The following KCNU1 variants were observed in gnomAD, a reference collection of about 807,000 sequenced individuals.
KCNU1 encodes the protein potassium channel subfamily U member 1.
A neutral mutation model predicts 126.8 loss-of-function variants in KCNU1; 93 were observed. The observed-to-expected ratio is 0.73, with a 90% CI of 0.62 to 0.87. The LOEUF (loss-of-function observed/expected upper bound fraction) is 0.87, where lower values mean the gene tolerates loss of function less well. Among genes scored for constraint, KCNU1 ranks in the 40% least tolerant of loss-of-function variants. The pLI is 0.00. For missense variants in KCNU1, 1,330 were observed against 1,367.1 expected, an observed-to-expected ratio of 0.97 and a Z score of 0.43; for synonymous variants, 523 against 494.2, an observed-to-expected ratio of 1.06 and a Z score of -0.77.
chr8:36,882,189 G>A (rs553275289), intron 19 of KCNU1, among the ~76,000 whole-genome samples: 2 of 152,170 alleles, frequency 1.3e-5, no homozygotes, highest in Non-Finnish European at 2.9e-5. Context: ...TCTCATTCAT[G>A]TGAGGATGTC....
At chr8:36,898,899 T>A (rs1174351775) in intron 19 of KCNU1, among the ~76,000 whole-genome samples, 3 of 152,082 alleles carry the variant, frequency 2.0e-5, no homozygotes, top group Non-Finnish European at 4.4e-5. Flanking sequence ...GCACAGACTC[T>A]GACTTTTATT....
intron 16 of KCNU1, among the ~76,000 whole-genome samples, chr8:36,842,035 GT>G (rs1680891603): frequency 1.3e-5 from 2 of 152,126 alleles, no homozygotes; most frequent in African/African-American, 4.8e-5. Context: ...AAGACTGTGT[GT>G]TGGCTCATGT....
chr8:36,864,775 C>A (rs1233546553), intron 19 of KCNU1, among the ~76,000 whole-genome samples: 1 of 152,144 alleles, frequency 6.6e-6, no homozygotes, highest in Non-Finnish European at 1.5e-5. Context: ...TTTCACACCA[C>A]CTTTCAGGCA....
chr8:36,924,891 A>C (rs1358042309), intron 24 of KCNU1, among the ~76,000 whole-genome samples: 1 of 152,188 alleles, frequency 6.6e-6, no homozygotes, highest in Non-Finnish European at 1.5e-5. Context: ...TCACACAGGC[A>C]GGAATAGAGC....
intron 19 of KCNU1, among the ~76,000 whole-genome samples, chr8:36,877,818 T>A (rs1806328833): frequency 6.6e-6 from 1 of 152,172 alleles, no homozygotes; most frequent in Non-Finnish European, 1.5e-5. Flanking sequence ...GAGATCAAAA[T>A]CCTTAACAAT....
intron 19 of KCNU1, among the ~76,000 whole-genome samples, chr8:36,870,794 A>G (rs1806073748): frequency 6.6e-6 from 1 of 152,228 alleles, no homozygotes; most frequent in South Asian, 2.1e-4. Context: ...TTTCATTCAT[A>G]TAAGCCTACT....
chr8:36,908,724 A>G (rs1807739403), intron 20 of KCNU1, among the ~76,000 whole-genome samples: 1 of 152,080 alleles, frequency 6.6e-6, no homozygotes, highest in South Asian at 2.1e-4. Flanking sequence ...TCCTTGATGC[A>G]GGAGTCTATA....
In KCNU1 at chr8:36,863,773, T is replaced by C. The variant is rs141686993; in HGVS notation, c.1892-631T>C. On this transcript the variant is annotated intron_variant, in intron 18 of 26. Transcript: ENST00000399881. Reference sequence around the variant, plus strand: ...TATTAAAGTGGCTTCATGGTGCTCATTGAATCTATTAATTTCAGCATTCTT... The same window carrying C: ...TATTAAAGTGGCTTCATGGTGCTCACTGAATCTATTAATTTCAGCATTCTT... 5.3e-5 allele frequency among the ~76,000 whole-genome samples: 8 copies of C among 152,252 alleles called. No homozygotes were observed. The East Asian group carries it at 1.5e-3, about 29-fold the overall frequency.
intron 19 of KCNU1, among the ~76,000 whole-genome samples, chr8:36,894,452 A>G (rs1370873289): frequency 6.6e-6 from 1 of 152,178 alleles, no homozygotes; most frequent in Non-Finnish European, 1.5e-5. Context: ...AGATGAAAAA[A>G]TGTATCCAGA....
intron 19 of KCNU1, among the ~76,000 whole-genome samples, chr8:36,884,785 A>T (rs746400497): frequency 1.1e-4 from 17 of 152,044 alleles, no homozygotes; most frequent in Non-Finnish European, 2.2e-4. Flanking sequence ...GGAAAAAAAA[A>T]AGAAAGAAAA....
rs771799388 is a variant in KCNU1 at position 36,814,347 on chromosome 8, C to T, written c.873C>T (p.Thr291=). ...DVVAKTSLGR[T]FIMFFTLGSL... is the part of the protein sequence containing the mutation. Reference sequence around the variant, plus strand: ...TAGCCAAGACATCCTTAGGACGGACCTTCATCATGTTCTTCACACTGGGGA... The same window carrying T: ...TAGCCAAGACATCCTTAGGACGGACTTTCATCATGTTCTTCACACTGGGGA... The change falls in exon 8 of 27, where the codon ACC becomes ACT. Residue 291 remains threonine (T), a synonymous_variant. Transcript: ENST00000399881. 3 of 1,611,998 alleles carry T rather than the reference C, an allele frequency of 1.9e-6. No homozygotes were observed. The highest frequency in any genetic ancestry group is 1.7e-6 in the Non-Finnish European group (2 of 1,178,862).
chr8:36,901,070 GA>G (rs796730578), intron 19 of KCNU1, among the ~76,000 whole-genome samples: 82 of 148,222 alleles, frequency 5.5e-4, no homozygotes, highest in African/African-American at 1.7e-3. Context: ...GTCTACAAAA[GA>G]AAAAAAAAAG....
intron 2 of KCNU1, among the ~76,000 whole-genome samples, chr8:36,792,853 T>C (rs543356433): frequency 1.3e-5 from 2 of 152,302 alleles, no homozygotes; most frequent in South Asian, 4.1e-4. Flanking sequence ...GTATTGTTAT[T>C]AATATTTGTA....
intron 16 of KCNU1, among the ~76,000 whole-genome samples, chr8:36,845,007 G>C (rs575170101): frequency 9.2e-5 from 14 of 152,040 alleles, no homozygotes; most frequent in Non-Finnish European, 1.9e-4. Context: ...AAATCAAAAG[G>C]TTCAAGTAAG....
intron 19 of KCNU1, among the ~76,000 whole-genome samples, chr8:36,901,298 T>C (rs1217162710): frequency 6.6e-6 from 1 of 152,026 alleles, no homozygotes; most frequent in African/African-American, 2.4e-5. Context: ...TGGTTTGGTC[T>C]CTCTCTCATC....
At chr8:36,912,658 AAAG>A (rs1563332351) in intron 22 of KCNU1, among the ~76,000 whole-genome samples, 1 of 152,166 alleles carries the variant, frequency 6.6e-6, no homozygotes, top group African/African-American at 2.4e-5. Context: ...ATAATTGGAC[AAAG>A]AAGAAGTATT....
At chr8:36,787,162 A>G in intron 1 of KCNU1, 144 bp from the exon 2 acceptor site, 3 of 608,462 alleles carry the variant, frequency 4.9e-6, no homozygotes, top group Non-Finnish European at 2.6e-6. Flanking sequence ...AATATTGAAT[A>G]AGCAACTTCA....
rs892201391 is a variant in KCNU1 at position 36,933,756 on chromosome 8, A to G, written c.3044+724A>G. ...TGGAGTGGTCTTGAATAGAAAAATA[A>G]CAGCAACAATTTTTTTGGCCCACAG... On this transcript the variant is annotated intron_variant, in intron 26 of 26. Coordinates refer to ENST00000399881, the MANE Select transcript of KCNU1 (RefSeq NM_001031836.3). Among the ~76,000 whole-genome samples the G allele has an allele frequency of 7.2e-5, 11 of 152,270 alleles. No individual in the cohort carries two copies. The East Asian group carries it at 1.9e-3, about 27-fold the overall frequency.
Position 36,784,409 on chromosome 8 carries a change from A to G in KCNU1, c.-2A>G, listed in dbSNP as rs1171177237. The G allele has an allele frequency of 3.7e-6, 6 of 1,609,062 alleles. No homozygotes were observed. The East Asian group carries it at 6.7e-5, about 18-fold the overall frequency. On this transcript the variant is annotated 5_prime_UTR_variant, in exon 1 of 27. Transcript: ENST00000399881. ...GCAATTCCGTCTACTGATGTCTCGAACATGTTTCAGACTAAGCTACGAAAT... is the reference window on the plus strand; with the variant it reads ...GCAATTCCGTCTACTGATGTCTCGAGCATGTTTCAGACTAAGCTACGAAAT...
Sources: allele counts gnomAD v4.1 joint callset (sites outside exome capture counted in the v4.1 genomes callset), GRCh38; gene constraint gnomAD v4.1.1; transcripts MANE v1.5; gene names NCBI Gene and HGNC (gene_info 2026-07-23, HGNC 2026-07-21).